The following LIN52 variants were observed in gnomAD, a reference collection of about 807,000 sequenced individuals.
LIN52 encodes lin-52 DREAM MuvB core complex component, also known as protein lin-52 homolog.
Under a neutral mutation model 18.5 loss-of-function variants are expected in LIN52, and 4 were observed. That is an observed-to-expected ratio of 0.22 (90% confidence interval 0.11 to 0.49). The LOEUF (loss-of-function observed/expected upper bound fraction) is 0.49, where lower values mean the gene tolerates loss of function less well. LIN52 is among the 20% of genes least tolerant of loss of function. The pLI, the probability that LIN52 is intolerant of heterozygous loss-of-function variation, is 0.97. For synonymous variants in LIN52, 34 were observed against 45.5 expected (o/e 0.75, Z 1.02); for missense variants, 102 against 139.5 (o/e 0.73, Z 1.35).
intron 5 of LIN52, among the ~76,000 whole-genome samples, chr14:74,174,295 G>A (rs1333792678): frequency 2.6e-5 from 4 of 152,140 alleles, no homozygotes; most frequent in Non-Finnish European, 5.9e-5. Context: ...AACCTAGATA[G>A]TATAGCCTAC....
intron 5 of LIN52, among the ~76,000 whole-genome samples, chr14:74,115,413 A>C (rs1312942312): frequency 6.6e-6 from 1 of 152,166 alleles, no homozygotes; most frequent in East Asian, 1.9e-4. Flanking sequence ...AGAAAGTATA[A>C]ATTTAAATTA....
intron 5 of LIN52, among the ~76,000 whole-genome samples, chr14:74,133,064 A>G (rs1374941720): frequency 6.6e-6 from 1 of 152,114 alleles, no homozygotes; most frequent in Non-Finnish European, 1.5e-5. Context: ...TTCAAAATCT[A>G]TCAGAGCTAA....
chr14:74,088,367 A>G (rs2060749511), intron 1 of LIN52, among the ~76,000 whole-genome samples: 1 of 152,156 alleles, frequency 6.6e-6, no homozygotes, highest in Non-Finnish European at 1.5e-5. Flanking sequence ...CTAGGATTAC[A>G]GGCGTGAGCC....
At chr14:74,087,071 CCT>C (rs1165954225) in intron 1 of LIN52, among the ~76,000 whole-genome samples, 4 of 151,486 alleles carry the variant, frequency 2.6e-5, no homozygotes, top group African/African-American at 7.3e-5. Context: ...ATTTTTTTCC[CCT>C]GTCATCTCTC....
At chr14:74,102,369 A>G (rs1181778471) in intron 5 of LIN52, among the ~76,000 whole-genome samples, 1 of 152,184 alleles carries the variant, frequency 6.6e-6, no homozygotes, top group Non-Finnish European at 1.5e-5. Context: ...CCAAGAAAAC[A>G]TTTTTGAATT....
intron 5 of LIN52, among the ~76,000 whole-genome samples, chr14:74,168,931 G>A (rs1281237431): frequency 2.6e-5 from 4 of 152,016 alleles, no homozygotes; most frequent in South Asian, 2.1e-4. Flanking sequence ...GCATGGTGGC[G>A]CGTGCCCAGC....
intron 5 of LIN52, among the ~76,000 whole-genome samples, chr14:74,146,548 A>G (rs997002149): frequency 3.3e-5 from 5 of 152,184 alleles, no homozygotes; most frequent in Admixed American, 6.5e-5. Context: ...TCATGCCTTC[A>G]TAGTAGAAAG....
At chr14:74,131,280 T>C (rs2061065373) in intron 5 of LIN52, among the ~76,000 whole-genome samples, 3 of 151,952 alleles carry the variant, frequency 2.0e-5, no homozygotes, top group South Asian at 4.2e-4. Context: ...CTAAGTGAGA[T>C]TGAGGGATAT....
chr14:74,177,599 G>C lies in LIN52; in HGVS notation c.284-21323G>C, dbSNP rs375736231. On this transcript the variant is annotated intron_variant, in intron 5 of 5. Transcript: ENST00000555028. Reference sequence around the variant, plus strand: ...AACACAGCCCTTTTTGTTTTCATCAGTCTGAATATTGGATTTCATTTCAAG... The same window carrying C: ...AACACAGCCCTTTTTGTTTTCATCACTCTGAATATTGGATTTCATTTCAAG... 1.2e-4 allele frequency among the ~76,000 whole-genome samples: 18 copies of C among 152,202 alleles called. 1 individual carries two copies. Among genetic ancestry groups the C allele is most frequent in the African/African-American group, 3.9e-4 (16 of 41,530 alleles).
chr14:74,159,837 G>T (rs2061216843), intron 5 of LIN52, among the ~76,000 whole-genome samples: 1 of 152,188 alleles, frequency 6.6e-6, no homozygotes, highest in African/African-American at 2.4e-5. Flanking sequence ...CTCCCAAAGT[G>T]CTGTGACTAC....
At chr14:74,093,537 G>A (rs1027753763) in intron 2 of LIN52, among the ~76,000 whole-genome samples, 1 of 151,628 alleles carries the variant, frequency 6.6e-6, no homozygotes, top group African/African-American at 2.4e-5. Context: ...TGTTGGACAG[G>A]CTGGTCTTGA....
chr14:74,117,210 A>G (rs1031825357), intron 5 of LIN52, among the ~76,000 whole-genome samples: 5 of 152,234 alleles, frequency 3.3e-5, no homozygotes, highest in African/African-American at 4.8e-5. Flanking sequence ...ATGTGCTTGC[A>G]TAAGTAGGAA....
chr14:74,104,312 G>C (rs1389742224), intron 5 of LIN52, among the ~76,000 whole-genome samples: 1 of 152,072 alleles, frequency 6.6e-6, no homozygotes, highest in African/African-American at 2.4e-5. Context: ...TTCTGTAGTT[G>C]ACTCATAAAT....
intron 5 of LIN52, among the ~76,000 whole-genome samples, chr14:74,181,208 G>C (rs2061317388): frequency 6.6e-6 from 1 of 151,708 alleles, no homozygotes; most frequent in South Asian, 2.1e-4. Context: ...TGGAAGGACA[G>C]AGTGAGAGGA....
intron 5 of LIN52, among the ~76,000 whole-genome samples, 168 bp downstream of exon 5, chr14:74,101,406 A>G (rs893358251): frequency 2.0e-5 from 3 of 151,954 alleles, no homozygotes; most frequent in South Asian, 4.2e-4. Flanking sequence ...TTGACTTTTT[A>G]TGGTGGAGTG....
intron 5 of LIN52, among the ~76,000 whole-genome samples, chr14:74,151,859 AT>A (rs897178813): frequency 1.6e-4 from 24 of 150,080 alleles, no homozygotes; most frequent in South Asian, 4.2e-4. Flanking sequence ...TTAACCTGCC[AT>A]TTTTTTTTTC....
chr14:74,145,800 TAA>T (rs2061150720), intron 5 of LIN52, among the ~76,000 whole-genome samples: 1 of 152,200 alleles, frequency 6.6e-6, no homozygotes, highest in Non-Finnish European at 1.5e-5. Flanking sequence ...TCGGCCCTTC[TAA>T]GAGACAAAAC....
chr14:74,160,523 G>T (rs943748258), intron 5 of LIN52, among the ~76,000 whole-genome samples: 1 of 152,070 alleles, frequency 6.6e-6, no homozygotes, highest in Non-Finnish European at 1.5e-5. Context: ...TGATCATTAG[G>T]TGAAAATTAC....
At chr14:74,195,771 G>A (rs1172884227) in intron 5 of LIN52, among the ~76,000 whole-genome samples, 2 of 152,188 alleles carry the variant, frequency 1.3e-5, no homozygotes, top group Non-Finnish European at 2.9e-5. Context: ...AGGTTTGGGG[G>A]GGTTCGGTTA....
Sources: allele counts gnomAD v4.1 joint callset (sites outside exome capture counted in the v4.1 genomes callset), GRCh38; gene constraint gnomAD v4.1.1; transcripts MANE v1.5; gene names NCBI Gene and HGNC (gene_info 2026-07-23, HGNC 2026-07-21).